VANGL2: variants seen among roughly 807,000 people sequenced by gnomAD.
VANGL2 encodes the protein VANGL planar cell polarity protein 2.
In VANGL2, 14 loss-of-function variants were observed where a neutral mutation model predicts 50.2. The observed-to-expected ratio is 0.28, with a 90% CI of 0.18 to 0.44. VANGL2 has a LOEUF of 0.44. Among genes scored for constraint, VANGL2 ranks in the 20% least tolerant of loss-of-function variants. The pLI is 1.00. For missense variants in VANGL2, 533 were observed against 701.5 expected (o/e 0.76, Z 2.71); for synonymous variants, 295 against 297.2 (o/e 0.99, Z 0.08).
rs1227115466 is a variant in VANGL2, at chr1:160,419,818, T to C, written c.800+209T>C. On this transcript the variant is annotated intron_variant, in intron 4 of 7. Coordinates refer to ENST00000368061, the MANE Select transcript of VANGL2 (RefSeq NM_020335.3). The surrounding 1 kb of genome is among the most constrained non-coding windows in gnomAD (Gnocchi z 5.8). ...TCATGTACACGGTCTTGGGGCAAGA[T>C]CAGTTGGGAGTTATGAGATGGGAAT... Among the ~76,000 whole-genome samples, 3 of 148,816 alleles carry C rather than the reference T, an allele frequency of 2.0e-5. No individual in the cohort carries two copies. Among genetic ancestry groups the C allele is most frequent in the Non-Finnish European group, 4.4e-5 (3 of 67,610 alleles).
chr1:160,410,379 T>G (rs1361092460), intron 1 of VANGL2, among the ~76,000 whole-genome samples: 4 of 152,132 alleles, frequency 2.6e-5, no homozygotes, highest in Non-Finnish European at 5.9e-5. Flanking sequence ...CTACTCACCC[T>G]GGTTTCCACA....
chr1:160,427,995 A>G lies in VANGL2; in HGVS notation c.*2617A>G, dbSNP rs1485942470. 1.3e-5 allele frequency: 2 copies of G among 152,570 alleles called. No individual in the cohort carries two copies. The highest frequency in any genetic ancestry group is 2.4e-5 in the African/African-American group (1 of 41,308). The allele number at this position is 152,570 out of a possible 1,614,324, so 9.5% of individuals were successfully genotyped here. A position where few individuals can be genotyped will look rare whatever the true frequency, so the allele number is the denominator to read the frequency against. ...ACCTCGCCACTCTGCCACTGTCCCC[A>G]TTGGTCCTTTCTCCTAAACTGGTCT... On this transcript the variant is annotated 3_prime_UTR_variant, in exon 8 of 8. Coordinates refer to ENST00000368061, the MANE Select transcript of VANGL2 (RefSeq NM_020335.3).
In VANGL2 at chr1:160,400,821, G is replaced by A. The variant is rs1442642473; in HGVS notation, c.-239G>A. The A allele has an allele frequency of 6.6e-6, 1 of 151,980 alleles. No homozygotes were observed. Among genetic ancestry groups the A allele is most frequent in the African/African-American group, 2.4e-5 (1 of 41,398 alleles). 9.4% of individuals were successfully genotyped at this position (151,980 alleles called of 1,614,324 possible). The stretch of plus-strand genomic sequence containing the variant: ...GGAGCGCTGCGGATACAAAGGCGAC[G>A]GGCCGAGCGGGGCGCCCGCGGAGCC... On this transcript the variant is annotated 5_prime_UTR_variant, in exon 1 of 8. Transcript: ENST00000368061.
chr1:160,412,759 C>G (rs551534725), intron 1 of VANGL2, among the ~76,000 whole-genome samples: 2 of 152,352 alleles, frequency 1.3e-5, no homozygotes, highest in South Asian at 4.1e-4. Flanking sequence ...CACATGCTTT[C>G]ATCTCCCTAC....
intron 1 of VANGL2, among the ~76,000 whole-genome samples, chr1:160,410,989 C>T (rs1273969149): frequency 2.6e-5 from 4 of 152,094 alleles, no homozygotes; most frequent in Non-Finnish European, 5.9e-5. Flanking sequence ...GTGGGAGAAG[C>T]TGGGCAGCAG....
At chr1:160,421,021 T>C (rs1389629229) in intron 5 of VANGL2, 31 bp from the exon 6 acceptor site, 1 of 1,613,836 alleles carries the variant, frequency 6.2e-7, no homozygotes, top group Admixed American at 1.7e-5. Flanking sequence ...CACTCTGATG[T>C]GACCATCTCC....
At chr1:160,424,327 C>A (rs376273960) in intron 7 of VANGL2, 44 bp downstream of exon 7, 4 of 1,569,266 alleles carry the variant, frequency 2.5e-6, no homozygotes, top group Non-Finnish European at 3.5e-6. Flanking sequence ...TTCCCCAGCT[C>A]CTCTTCTTTC....
At chr1:160,416,302 G>A in intron 3 of VANGL2, 120 bp downstream of exon 3, 1 of 1,548,520 alleles carries the variant, frequency 6.5e-7, no homozygotes, top group Non-Finnish European at 8.9e-7. Flanking sequence ...ATCAGATCGG[G>A]GAGTGTGTTT....
intron 1 of VANGL2, among the ~76,000 whole-genome samples, chr1:160,409,438 T>TGAAGGGAAAAGGG (rs1375722369): frequency 4.5e-4 from 68 of 151,824 alleles, no homozygotes; most frequent in Non-Finnish European, 1.2e-4. Flanking sequence ...TGTGTCCTCC[T>TGAAGGGAAAAGGG]GAAGGGAAAA....
At chr1:160,411,498 T>A (rs1455925293) in intron 1 of VANGL2, among the ~76,000 whole-genome samples, 2 of 151,408 alleles carry the variant, frequency 1.3e-5, no homozygotes, top group African/African-American at 4.9e-5. Context: ...TTCTCTTTAC[T>A]CCCCTCTCCT....
chr1:160,403,455 C>A (rs1444757722), intron 1 of VANGL2, among the ~76,000 whole-genome samples: 1 of 152,206 alleles, frequency 6.6e-6, no homozygotes, highest in African/African-American at 2.4e-5. Flanking sequence ...TCCTCTAATT[C>A]TTCCGGGGCA....
intron 1 of VANGL2, among the ~76,000 whole-genome samples, chr1:160,401,362 G>T (rs2101939574): frequency 6.6e-6 from 1 of 152,192 alleles, no homozygotes; most frequent in Admixed American, 6.5e-5. Flanking sequence ...GGAGTCAGGG[G>T]GGCGGGTTGG....
rs377216902 is a variant in VANGL2 at position 160,415,878 on chromosome 1, C to T, written c.41C>T (p.Ser14Leu). 7.3e-5 allele frequency: 118 copies of T among 1,613,988 alleles called. No individual in the cohort carries two copies. Among genetic ancestry groups the T allele is most frequent in the Non-Finnish European group, 9.4e-5 (111 of 1,180,022 alleles). The change falls in exon 2 of 8, where the codon TCG (serine) becomes TTG (leucine). Residue 14 changes from serine to leucine, a missense_variant. Transcript: ENST00000368061. ...ESQYSGYSYKSGHSRSSRKHR... is the reference protein window; with the variant it reads ...ESQYSGYSYKLGHSRSSRKHR... ...CAGTACTCGGGCTATTCCTACAAGT[C>T]GGGCCACTCCCGCAGCTCCCGCAAG... is the stretch of plus-strand genomic sequence containing the variant.
chr1:160,419,691 A>G lies in VANGL2; in HGVS notation c.800+82A>G. On this transcript the variant is annotated intron_variant, in intron 4 of 7. Transcript: ENST00000368061. This position sits in a 1 kb window ranked among gnomAD's most constrained non-coding sequence, Gnocchi z 5.8. ...GTGACTGCTAGGGTGGGAGGGTATGATGGTGGGCTGGAGGTGATGGGCTTG... is the reference window on the plus strand; with the variant it reads ...GTGACTGCTAGGGTGGGAGGGTATGGTGGTGGGCTGGAGGTGATGGGCTTG... 6.5e-7 allele frequency: 1 copy of G among 1,542,738 alleles called. No homozygotes were observed. Among genetic ancestry groups the G allele is most frequent in the Non-Finnish European group, 8.7e-7 (1 of 1,152,404 alleles).
rs527515544 is a variant in VANGL2 at position 160,402,805 on chromosome 1, T to G, written c.-191+1936T>G. On this transcript the variant is annotated intron_variant, in intron 1 of 7. Coordinates refer to ENST00000368061, the MANE Select transcript of VANGL2 (RefSeq NM_020335.3). ...CCACAGCTCCCTTCTCTCCCTGTCCTCTCTCATCCTTTCTCTTTTGGGGTA... is the reference window on the plus strand; with the variant it reads ...CCACAGCTCCCTTCTCTCCCTGTCCGCTCTCATCCTTTCTCTTTTGGGGTA... Among the ~76,000 whole-genome samples, 4 of 152,098 alleles carry G rather than the reference T, an allele frequency of 2.6e-5. No individual in the cohort carries two copies. The South Asian group carries it at 8.3e-4, about 32-fold the overall frequency.
rs1651178951 is a variant in VANGL2, at chr1:160,419,355, T to C, written c.546T>C (p.Arg182=). The C allele has an allele frequency of 6.2e-7, 1 of 1,611,930 alleles. No individual in the cohort carries two copies. The highest frequency in any genetic ancestry group is 2.2e-5 in the East Asian group (1 of 44,894). ...KASLPRVFVL[R]ALLMVLVFLL... The stretch of plus-strand genomic sequence containing the variant: ...CGCTGCCCCGCGTCTTTGTGCTGCG[T>C]GCCCTGCTTATGGTGCTGGTTTTCC... The change falls in exon 4 of 8, where the codon CGT becomes CGC. Residue 182 remains arginine, a synonymous_variant. Transcript: ENST00000368061. This position sits in a 1 kb window ranked among gnomAD's most constrained non-coding sequence, Gnocchi z 5.8.
intron 7 of VANGL2, among the ~76,000 whole-genome samples, chr1:160,424,621 TTG>T (rs1403386587): frequency 2.6e-5 from 4 of 152,166 alleles, no homozygotes; most frequent in African/African-American, 9.6e-5. Context: ...GGTCTTGGCT[TTG>T]TGTCATTTTG....
rs564578978 is a variant in VANGL2, at chr1:160,424,301, C to T, written c.1305+18C>T. ...CGCCCAAGGTAGGCCTGCCCTGCTG[C>T]CAGCATCCTTCCTCCTTCCCCAGCT... is the stretch of plus-strand genomic sequence containing the variant. On this transcript the variant is annotated intron_variant, in intron 7 of 7. Transcript: ENST00000368061. 6.2e-7 allele frequency: 1 copy of T among 1,609,974 alleles called. No individual in the cohort carries two copies. The highest frequency in any genetic ancestry group is 1.1e-5 in the South Asian group (1 of 90,798).
rs1015900031 is a variant in VANGL2 at position 160,427,553 on chromosome 1, T to G, written c.*2175T>G. ...AGAACTGTGGTATCTTTGTCTTTTT[T>G]CATTATTATTATTATTATTATTATT... On this transcript the variant is annotated 3_prime_UTR_variant, in exon 8 of 8. Transcript: ENST00000368061. 1 of 143,630 alleles carries G rather than the reference T, an allele frequency of 7.0e-6. No homozygotes were observed. The highest frequency in any genetic ancestry group is 1.5e-5 in the Non-Finnish European group (1 of 64,662). 8.9% of individuals were successfully genotyped at this position (143,630 alleles called of 1,614,324 possible). A position where few individuals can be genotyped will look rare whatever the true frequency, so the allele number is the denominator to read the frequency against.
Sources: gnomAD v4.1 joint callset for allele counts (sites outside exome capture counted in the v4.1 genomes callset) on GRCh38, gnomAD v4.1.1 for gene constraint, Gnocchi (gnomAD v3.1) non-coding constraint, MANE v1.5 for transcripts, NCBI Gene and HGNC (gene_info 2026-07-23, HGNC 2026-07-21) for gene names.